MARCHF1: variants seen among roughly 807,000 people sequenced by gnomAD.
MARCHF1 encodes the protein membrane associated ring-CH-type finger 1, also known as E3 ubiquitin-protein ligase MARCHF1.
A neutral mutation model predicts 54.2 loss-of-function variants in MARCHF1; 40 were observed. The observed-to-expected ratio is 0.74, with a 90% CI of 0.57 to 0.96. The LOEUF (loss-of-function observed/expected upper bound fraction) is 0.96. MARCHF1 is among the 40% of genes least tolerant of loss of function. The pLI, the probability that MARCHF1 is intolerant of heterozygous loss-of-function variation, is 0.00. For synonymous variants in MARCHF1, 236 were observed against 236.3 expected, an observed-to-expected ratio of 1.00 and a Z score of 0.01; for missense variants, 586 against 656.5, an observed-to-expected ratio of 0.89 and a Z score of 1.17.
intron 1 of MARCHF1, chr4:164,197,211 C>T: frequency 1.2e-6 from 2 of 1,610,236 alleles, no homozygotes; most frequent in Admixed American, 1.7e-5. Flanking sequence ...GCTCACCCTC[C>T]TCCTCGTCAT....
At chr4:163,873,013 C>T (rs550864256) in intron 3 of MARCHF1, among the ~76,000 whole-genome samples, 2 of 151,446 alleles carry the variant, frequency 1.3e-5, no homozygotes, top group Admixed American at 1.3e-4. Context: ...CACTGCACTC[C>T]AGCCTGGGCG....
At chr4:164,155,334 C>CA (rs11402101) in intron 1 of MARCHF1, among the ~76,000 whole-genome samples, 92,286 of 149,460 alleles carry the variant, frequency 0.62, 32,095 homozygotes, top group Non-Finnish European at 0.81. Flanking sequence ...ACTAAACTTT[C>CA]AAAAAAAAAA....
At chr4:163,678,649 G>A (rs1436226214) in intron 5 of MARCHF1, among the ~76,000 whole-genome samples, 1 of 152,262 alleles carries the variant, frequency 6.6e-6, no homozygotes, top group East Asian at 1.9e-4. Context: ...GCATAAAGCT[G>A]ACAGTAGTGC....
At chr4:164,334,105 A>G (rs767513179) in intron 1 of MARCHF1, among the ~76,000 whole-genome samples, 3 of 152,226 alleles carry the variant, frequency 2.0e-5, no homozygotes, top group Non-Finnish European at 4.4e-5. Context: ...CCATGGCATA[A>G]AAGTGCAAGG....
intron 3 of MARCHF1, among the ~76,000 whole-genome samples, chr4:163,910,000 G>A (rs1222549764): frequency 6.6e-6 from 1 of 152,044 alleles, no homozygotes; most frequent in East Asian, 1.9e-4. Flanking sequence ...AGAGTACACT[G>A]GAAATAAAAT....
At chr4:163,828,910 C>G (rs1748934808) in intron 4 of MARCHF1, 1 of 152,176 alleles carries the variant, frequency 6.6e-6, no homozygotes, top group Non-Finnish European at 1.5e-5. Context: ...AGGTTCTAGA[C>G]AGAGGTATAG....
intron 2 of MARCHF1, among the ~76,000 whole-genome samples, chr4:164,110,424 A>T (rs1241865603): frequency 2.0e-5 from 3 of 151,756 alleles, no homozygotes; most frequent in Non-Finnish European, 3.0e-5. Context: ...CGCCAATTTC[A>T]AGATTTTTTT....
chr4:164,203,507 T>C (rs943371441), intron 1 of MARCHF1, among the ~76,000 whole-genome samples: 15 of 152,254 alleles, frequency 9.9e-5, no homozygotes, highest in African/African-American at 2.6e-4. Flanking sequence ...TTTTGTTCGA[T>C]TGCAGTCTTG....
At chr4:163,803,843 A>G (rs1220891181) in intron 4 of MARCHF1, among the ~76,000 whole-genome samples, 1 of 152,228 alleles carries the variant, frequency 6.6e-6, no homozygotes, top group Non-Finnish European at 1.5e-5. Flanking sequence ...TTACACAAAT[A>G]TAAGACCATC....
chr4:164,172,862 TC>T (rs1398048261), intron 1 of MARCHF1, among the ~76,000 whole-genome samples: 2 of 151,390 alleles, frequency 1.3e-5, no homozygotes, highest in Non-Finnish European at 2.9e-5. Context: ...GGGCCTGTAG[TC>T]CCAGCTACTC....
intron 2 of MARCHF1, among the ~76,000 whole-genome samples, chr4:164,017,426 G>A (rs943368828): frequency 1.3e-5 from 2 of 151,902 alleles, no homozygotes; most frequent in African/African-American, 2.4e-5. Flanking sequence ...AAAGTCTAAT[G>A]AACCTCACAG....
intron 3 of MARCHF1, among the ~76,000 whole-genome samples, chr4:163,959,759 A>G (rs1752308571): frequency 6.6e-6 from 1 of 152,016 alleles, no homozygotes; most frequent in African/African-American, 2.4e-5. Flanking sequence ...GAATGGGAAA[A>G]TATTTCATAA....
intron 4 of MARCHF1, among the ~76,000 whole-genome samples, chr4:163,835,110 T>G (rs1749143844): frequency 6.6e-6 from 1 of 152,170 alleles, no homozygotes; most frequent in Admixed American, 6.6e-5. Flanking sequence ...CTCAAATTTT[T>G]GGCCTTAAGT....
intron 3 of MARCHF1, among the ~76,000 whole-genome samples, chr4:163,912,065 G>GTTT (rs70948676): frequency 1.3e-5 from 2 of 149,248 alleles, no homozygotes; most frequent in African/African-American, 4.9e-5. Flanking sequence ...GGAATGCAGG[G>GTTT]TTTTTTTTTT....
intron 1 of MARCHF1, among the ~76,000 whole-genome samples, chr4:164,219,815 A>G (rs751418367): frequency 5.9e-5 from 9 of 152,068 alleles, no homozygotes; most frequent in Admixed American, 1.3e-4. Flanking sequence ...TCAATGCTAC[A>G]CTAGGACATT....
chr4:163,975,603 G>C lies in MARCHF1; in HGVS notation c.-39+12898C>G, dbSNP rs1405474164. Among the ~76,000 whole-genome samples the C allele has an allele frequency of 5.9e-5, 9 of 152,290 alleles. No homozygotes were observed. The East Asian group carries it at 1.7e-3, about 29-fold the overall frequency. On this transcript the variant is annotated intron_variant, in intron 3 of 9. Coordinates refer to ENST00000514618, the MANE Select transcript of MARCHF1 (RefSeq NM_001394959.1). ...TTTCAGGTAAACATCCCAGGATTAA[G>C]ATGAAATCAAGGGATTGGCTTTATG...
rs147633457 is a variant in MARCHF1 at position 164,116,135 on chromosome 4, G to A, written c.-322-4473C>T. 3.0e-3 allele frequency among the ~76,000 whole-genome samples: 462 copies of A among 152,188 alleles called. 1 individual carries two copies. The highest frequency in any genetic ancestry group is 0.01 in the African/African-American group (436 of 41,550). ...AGCATTATCAATAGTTAATGGGAAA[G>A]TTAAATTAAGGCCTTCATATCACTA... On this transcript the variant is annotated intron_variant, in intron 1 of 9. Coordinates refer to ENST00000514618, the MANE Select transcript of MARCHF1 (RefSeq NM_001394959.1).
intron 7 of MARCHF1, 106 bp downstream of exon 7, chr4:163,612,165 T>C: frequency 1.0e-6 from 1 of 982,192 alleles, no homozygotes; most frequent in Admixed American, 3.4e-5. Context: ...AAAAGAACAA[T>C]GTAAATAAAT....
intron 3 of MARCHF1, among the ~76,000 whole-genome samples, chr4:163,982,609 T>C (rs956956545): frequency 2.6e-5 from 4 of 152,240 alleles, no homozygotes; most frequent in African/African-American, 9.6e-5. Flanking sequence ...ATCACTTCAT[T>C]GGAAAATTGT....
Sources: allele counts gnomAD v4.1 joint callset (sites outside exome capture counted in the v4.1 genomes callset), GRCh38; gene constraint gnomAD v4.1.1; transcripts MANE v1.5; gene names NCBI Gene and HGNC (gene_info 2026-07-23, HGNC 2026-07-21).